Variants in JAKMIP1 observed in about 807,000 individuals in gnomAD.
JAKMIP1 encodes janus kinase and microtubule-interacting protein 1.
A neutral mutation model predicts 113.0 loss-of-function variants in JAKMIP1; 33 were observed. That is an observed-to-expected ratio of 0.29 (90% confidence interval 0.22 to 0.39). JAKMIP1 has a LOEUF of 0.39. Among genes scored for constraint, JAKMIP1 ranks in the 10% least tolerant of loss-of-function variants. The pLI, the probability that JAKMIP1 is intolerant of heterozygous loss-of-function variation, is 1.00. For synonymous variants in JAKMIP1, 480 were observed against 459.9 expected (o/e 1.04, Z -0.56); for missense variants, 813 against 1,080.5 (o/e 0.75, Z 3.47).
At position 6,199,996 on chromosome 4, in the gene JAKMIP1, G is replaced by A. The variant is rs552028067; in HGVS notation, c.-148+257C>T. ...GGGTGTTGGGGGAAGCGACGCAGCGGCTGGGAGATTTTGCAAGGGGGTCTG... is the reference window on the plus strand; with the variant it reads ...GGGTGTTGGGGGAAGCGACGCAGCGACTGGGAGATTTTGCAAGGGGGTCTG... On this transcript the variant is annotated intron_variant, in intron 1 of 20. Transcript: ENST00000409021. The surrounding 1 kb of genome is among the most constrained non-coding windows in gnomAD (Gnocchi z 5.6). Among the ~76,000 whole-genome samples the A allele has an allele frequency of 3.2e-4, 48 of 149,706 alleles. No homozygotes were observed. Among genetic ancestry groups the A allele is most frequent in the Middle Eastern group, 7.0e-3 (2 of 286 alleles).
rs553498921 is a variant in JAKMIP1 at position 6,047,460 on chromosome 4, C to A, written c.2028+1397G>T. Reference sequence around the variant, plus strand: ...CCCCATGTGCCCCGCCCCGTGCCTGCACCTGCACCTGATAGCCACCAGCCG... The same window carrying A: ...CCCCATGTGCCCCGCCCCGTGCCTGAACCTGCACCTGATAGCCACCAGCCG... On this transcript the variant is annotated intron_variant, in intron 16 of 20. Coordinates refer to ENST00000409021, the MANE Select transcript of JAKMIP1 (RefSeq NM_001099433.2). 5.3e-5 allele frequency among the ~76,000 whole-genome samples: 8 copies of A among 152,336 alleles called. No homozygotes were observed. The East Asian group carries it at 1.5e-3, about 29-fold the overall frequency.
chr4:6,097,817 A>T lies in JAKMIP1; in HGVS notation c.624+7656T>A, dbSNP rs984508166. On this transcript the variant is annotated intron_variant, in intron 3 of 20. Coordinates refer to ENST00000409021, the MANE Select transcript of JAKMIP1 (RefSeq NM_001099433.2). The surrounding 1 kb of genome is among the most constrained non-coding windows in gnomAD (Gnocchi z 4.3). ...ACGCTTCCTTAGGCAGCTTGGAGAA[A>T]CGCAATCTGGTTCCCTTGATCAAAA... is the stretch of plus-strand genomic sequence containing the variant. 6.6e-6 allele frequency among the ~76,000 whole-genome samples: 1 copy of T among 152,136 alleles called. No homozygotes were observed. Among genetic ancestry groups the T allele is most frequent in the Non-Finnish European group, 1.5e-5 (1 of 68,028 alleles).
At chr4:6,079,052 C>T (rs1720111548) in intron 7 of JAKMIP1, 54 bp from the exon 8 acceptor site, 2 of 1,597,632 alleles carry the variant, frequency 1.3e-6, no homozygotes, top group South Asian at 2.2e-5. Flanking sequence ...TCTCACAAAC[C>T]AAAGCCACTG....
chr4:6,092,355 T>C (rs1283350673), intron 3 of JAKMIP1, among the ~76,000 whole-genome samples: 1 of 152,156 alleles, frequency 6.6e-6, no homozygotes, highest in African/African-American at 2.4e-5. Context: ...AATGAGACAC[T>C]GGGCGAAGAA....
Position 6,179,860 on chromosome 4 carries a change from T to A in JAKMIP1, c.-148+20393A>T, listed in dbSNP as rs567406843. Among the ~76,000 whole-genome samples, 32 of 152,184 alleles carry A rather than the reference T, an allele frequency of 2.1e-4. No individual in the cohort carries two copies. Among genetic ancestry groups the A allele is most frequent in the Non-Finnish European group, 4.4e-4 (30 of 68,028 alleles). ...GAAACTGAGGCTCAAAGAGGTGAAG[T>A]CACTTTCTTAAAATCCATAGCTTGT... is the stretch of plus-strand genomic sequence containing the variant. On this transcript the variant is annotated intron_variant, in intron 1 of 20. Transcript: ENST00000409021. The surrounding 1 kb of genome is among the most constrained non-coding windows in gnomAD (Gnocchi z 4.5).
At chr4:6,144,661 G>A (rs1288938509) in intron 1 of JAKMIP1, among the ~76,000 whole-genome samples, 3 of 152,196 alleles carry the variant, frequency 2.0e-5, no homozygotes, top group Non-Finnish European at 4.4e-5. Flanking sequence ...AAAAAGACAT[G>A]TTACAAAATC....
intron 2 of JAKMIP1, among the ~76,000 whole-genome samples, chr4:6,109,828 A>T (rs1341110532): frequency 6.6e-6 from 1 of 152,186 alleles, no homozygotes; most frequent in African/African-American, 2.4e-5. Context: ...ATGCAATTGT[A>T]AAGTTTGCAT....
chr4:6,084,318 C>CAA (rs34850390), intron 5 of JAKMIP1, among the ~76,000 whole-genome samples: 4 of 123,050 alleles, frequency 3.3e-5, no homozygotes, highest in South Asian at 2.7e-4. Context: ...AACTTTATCT[C>CAA]AAAAAAAAAA....
chr4:6,055,119 G>A (rs1716201229), intron 12 of JAKMIP1, among the ~76,000 whole-genome samples: 1 of 152,178 alleles, frequency 6.6e-6, no homozygotes, highest in South Asian at 2.1e-4. Context: ...CCCCACCAGG[G>A]CCAGGCCAGG....
chr4:6,160,261 T>C (rs1436260992), intron 1 of JAKMIP1, among the ~76,000 whole-genome samples: 1 of 152,164 alleles, frequency 6.6e-6, no homozygotes, highest in East Asian at 1.9e-4. Flanking sequence ...ATGGGATTTT[T>C]AGAGTCCTCC....
rs2109049984 is a variant in JAKMIP1 at position 6,186,124 on chromosome 4, A to G, written c.-148+14129T>C. Among the ~76,000 whole-genome samples the G allele has an allele frequency of 6.6e-6, 1 of 152,268 alleles. No individual in the cohort carries two copies. Among genetic ancestry groups the G allele is most frequent in the African/African-American group, 2.4e-5 (1 of 41,558 alleles). On this transcript the variant is annotated intron_variant, in intron 1 of 20. Coordinates refer to ENST00000409021, the MANE Select transcript of JAKMIP1 (RefSeq NM_001099433.2). This position sits in a 1 kb window ranked among gnomAD's most constrained non-coding sequence, Gnocchi z 5.5. ...GAACAAGTTGTGGTGAGAATTACAC[A>G]ACTCCTAAGCAGGGAAAGCTCCCAG...
intron 12 of JAKMIP1, among the ~76,000 whole-genome samples, chr4:6,055,236 G>C (rs1716221912): frequency 6.6e-6 from 1 of 152,024 alleles, no homozygotes; most frequent in South Asian, 2.1e-4. Flanking sequence ...GGCTGCCAGG[G>C]GCCGGGAGGC....
rs1726332367 is a variant in JAKMIP1, at chr4:6,183,794, G to T, written c.-148+16459C>A. Among the ~76,000 whole-genome samples, 1 of 152,142 alleles carries T rather than the reference G, an allele frequency of 6.6e-6. No individual in the cohort carries two copies. Among genetic ancestry groups the T allele is most frequent in the African/African-American group, 2.4e-5 (1 of 41,412 alleles). ...AGGTGAACACTCAGCTTTGTGCAGG[G>T]CTTGGGGGACAGCCTCTCCTGTCAT... On this transcript the variant is annotated intron_variant, in intron 1 of 20. Coordinates refer to ENST00000409021, the MANE Select transcript of JAKMIP1 (RefSeq NM_001099433.2). This position sits in a 1 kb window ranked among gnomAD's most constrained non-coding sequence, Gnocchi z 5.3.
chr4:6,100,583 G>C (rs768818715), intron 3 of JAKMIP1, among the ~76,000 whole-genome samples: 1 of 152,054 alleles, frequency 6.6e-6, no homozygotes, highest in Non-Finnish European at 1.5e-5. Context: ...ATTTCTCTTG[G>C]GTAGATACTT....
intron 12 of JAKMIP1, among the ~76,000 whole-genome samples, chr4:6,055,566 C>T (rs1486994467): frequency 1.1e-4 from 17 of 152,182 alleles, no homozygotes; most frequent in Admixed American, 1.1e-3. Context: ...GCGCCCACCA[C>T]ACTGGTGGTT....
chr4:6,182,018 A>C (rs1726083790), intron 1 of JAKMIP1, among the ~76,000 whole-genome samples: 1 of 152,102 alleles, frequency 6.6e-6, no homozygotes. Flanking sequence ...AGTGTTATGG[A>C]GTGAATGTTT....
At chr4:6,057,036 G>T (rs1716569376) in intron 11 of JAKMIP1, among the ~76,000 whole-genome samples, 1 of 152,258 alleles carries the variant, frequency 6.6e-6, no homozygotes, top group East Asian at 1.9e-4. Context: ...CCTCCAGGGT[G>T]ACTGGTCCAC....
In JAKMIP1 at chr4:6,093,318, T is replaced by G. The variant is rs1156307881; in HGVS notation, c.625-7689A>C. Among the ~76,000 whole-genome samples the G allele has an allele frequency of 8.5e-5, 13 of 152,236 alleles. No individual in the cohort carries two copies. The highest frequency in any genetic ancestry group is 8.5e-4 in the Admixed American group (13 of 15,284). ...AGTTAACTGTAAGCGCTTTGCTGCC[T>G]GGAATCGTGTCTTATTTTTCTCTAT... On this transcript the variant is annotated intron_variant, in intron 3 of 20. Transcript: ENST00000409021. This position sits in a 1 kb window ranked among gnomAD's most constrained non-coding sequence, Gnocchi z 4.6.
chr4:6,170,443 C>CACCACT (rs1724370742), intron 1 of JAKMIP1, among the ~76,000 whole-genome samples: 1 of 150,824 alleles, frequency 6.6e-6, no homozygotes, highest in African/African-American at 2.5e-5. Context: ...TCACCACCAC[C>CACCACT]TCCATCACCA....
Sources: gnomAD v4.1 joint callset for allele counts (sites outside exome capture counted in the v4.1 genomes callset) on GRCh38, gnomAD v4.1.1 for gene constraint, Gnocchi (gnomAD v3.1) non-coding constraint, MANE v1.5 for transcripts, NCBI Gene and HGNC (gene_info 2026-07-23, HGNC 2026-07-21) for gene names.